The following RIMBP2 variants were observed in gnomAD, a reference collection of about 807,000 sequenced individuals.
RIMBP2 encodes RIMS-binding protein 2.
In RIMBP2, 48 loss-of-function variants were observed where a neutral mutation model predicts 118.6. The ratio of observed to expected loss-of-function variants is 0.40; its 90% confidence interval spans 0.32 to 0.51. The LOEUF is 0.51. Ranked by LOEUF, RIMBP2 falls within the 20% of genes least tolerant of loss-of-function variation. The probability of loss-of-function intolerance (pLI) is 0.41; values close to 1 mark genes in which losing one functional copy is unlikely to be tolerated. For missense variants in RIMBP2, 1,551 were observed against 1,768.3 expected (o/e 0.88, Z 2.20); for synonymous variants, 762 against 742.9 (o/e 1.03, Z -0.42).
At chr12:130,416,964 TA>T (rs145313159) in intron 17 of RIMBP2, among the ~76,000 whole-genome samples, 3,617 of 151,816 alleles carry the variant, frequency 0.024, 140 homozygotes, top group African/African-American at 0.082. Flanking sequence ...AAAATATATT[TA>T]AAAAATGTAT....
chr12:130,422,434 C>A lies in RIMBP2; in HGVS notation c.3238+19G>T, dbSNP rs577868602. ...GCTCCGCGGCTGAAAGACACAACAG[C>A]GATGATGGGGCCACTAACCGATGGA... is the stretch of plus-strand genomic sequence containing the variant. On this transcript the variant is annotated intron_variant, in intron 17 of 22. Coordinates refer to ENST00000690449, the MANE Select transcript of RIMBP2 (RefSeq NM_001393629.1). The surrounding 1 kb of genome is among the most constrained non-coding windows in gnomAD (Gnocchi z 5.2). 3 of 1,553,958 alleles carry A rather than the reference C, an allele frequency of 1.9e-6. No individual in the cohort carries two copies. The highest frequency in any genetic ancestry group is 1.7e-5 in the Admixed American group (1 of 59,064).
intron 13 of RIMBP2, 89 bp downstream of exon 13, chr12:130,436,753 T>G: frequency 9.1e-7 from 1 of 1,096,296 alleles, no homozygotes; most frequent in Non-Finnish European, 1.2e-6. Context: ...GGGATGCGGG[T>G]CCCCCTCCAT....
In RIMBP2 at chr12:130,424,506, T is replaced by G; in HGVS notation, c.2765A>C (p.Asp922Ala). ...SATRSPDSGL[D>A]CGSEEDESRF... ...CGACTCGTCCTCTTCACTCCCACAGTCCAGGCCGCTGTCCGGGCTCCGGGT... is the reference window on the plus strand; with the variant it reads ...CGACTCGTCCTCTTCACTCCCACAGGCCAGGCCGCTGTCCGGGCTCCGGGT... Residue 922 changes from aspartate (D) to alanine (A), a missense_variant, in exon 16 of 23, where the codon GAC becomes GCC. By Grantham distance (126) the Asp-to-Ala change is moderately radical (BLOSUM62 -2). Around this residue, in one of 5 missense-constraint regions of RIMBP2, gnomAD observed 1,038 missense variants for 1,125.1 expected, o/e 0.92. Coordinates refer to ENST00000690449, the MANE Select transcript of RIMBP2 (RefSeq NM_001393629.1). This position sits in a 1 kb window ranked among gnomAD's most constrained non-coding sequence, Gnocchi z 9.8. 7 of 1,231,972 alleles carry G rather than the reference T, an allele frequency of 5.7e-6. No individual in the cohort carries two copies. Among genetic ancestry groups the G allele is most frequent in the South Asian group, 4.1e-5 (1 of 24,316 alleles). The allele number at this position is 1,231,972 out of a possible 1,614,324, so 76.3% of individuals were successfully genotyped here.
chr12:130,679,912 C>T (rs1423622437), intron 1 of RIMBP2, among the ~76,000 whole-genome samples: 3 of 151,306 alleles, frequency 2.0e-5, no homozygotes, highest in African/African-American at 7.4e-5. Context: ...ATCATGCAGG[C>T]AGTGTGTTCA....
chr12:130,595,324 C>T (rs929651832), intron 2 of RIMBP2, among the ~76,000 whole-genome samples: 5 of 151,874 alleles, frequency 3.3e-5, no homozygotes, highest in South Asian at 2.1e-4. Flanking sequence ...TTTGGGAGGC[C>T]GAGATGGGCG....
chr12:130,547,819 C>T (rs981324222), intron 2 of RIMBP2, among the ~76,000 whole-genome samples: 1 of 152,206 alleles, frequency 6.6e-6, no homozygotes, highest in African/African-American at 2.4e-5. Flanking sequence ...TGTTTTTCAT[C>T]TCAGTGAAGA....
rs2078219269 is a variant in RIMBP2, at chr12:130,442,572, C to A, written c.780G>T (p.Leu260=). The change falls in exon 11 of 23, where the codon CTG becomes CTT. Residue 260 remains leucine (L), a synonymous_variant. Coordinates refer to ENST00000690449, the MANE Select transcript of RIMBP2 (RefSeq NM_001393629.1). The surrounding 1 kb of genome is among the most constrained non-coding windows in gnomAD (Gnocchi z 6.9). ...QDNESRLAST[L]GNEQDQNFIN... ...TGAAGTTCTGATCCTGCTCGTTCCC[C>A]AGCGTGCTTGCCAACCGCGACTCGT... 6.2e-7 allele frequency: 1 copy of A among 1,614,112 alleles called. No homozygotes were observed. The highest frequency in any genetic ancestry group is 1.3e-5 in the African/African-American group (1 of 74,936).
chr12:130,447,607 C>T lies in RIMBP2; in HGVS notation c.582-2338G>A, dbSNP rs1468057592. ...GCGATGGGAGACCCCCACATGTGGC[C>T]GTGGCATCTGTGAGCACAGCAGTGG... On this transcript the variant is annotated intron_variant, in intron 9 of 22. Transcript: ENST00000690449. The surrounding 1 kb of genome is among the most constrained non-coding windows in gnomAD (Gnocchi z 4.4). Among the ~76,000 whole-genome samples, 1 of 152,176 alleles carries T rather than the reference C, an allele frequency of 6.6e-6. No homozygotes were observed. The highest frequency in any genetic ancestry group is 1.5e-5 in the Non-Finnish European group (1 of 68,020).
chr12:130,453,746 T>G (rs2079191214), intron 7 of RIMBP2, among the ~76,000 whole-genome samples: 1 of 152,092 alleles, frequency 6.6e-6, no homozygotes, highest in Non-Finnish European at 1.5e-5. Context: ...CACATAAACG[T>G]GAATGCAGCT....
At chr12:130,448,812 C>G (rs61578819) in intron 9 of RIMBP2, among the ~76,000 whole-genome samples, 27,172 of 152,304 alleles carry the variant, frequency 0.18, 2,653 homozygotes, top group Admixed American at 0.28. Context: ...GGGCATCTAC[C>G]CCAGTGCTTC....
chr12:130,665,938 A>G (rs1419766856), intron 1 of RIMBP2, among the ~76,000 whole-genome samples: 1 of 152,112 alleles, frequency 6.6e-6, no homozygotes, highest in Non-Finnish European at 1.5e-5. Flanking sequence ...GGAGTATCAC[A>G]TCTGGAACTC....
Position 130,428,308 on chromosome 12 carries a change from G to T in RIMBP2, c.2283C>A (p.His761Gln). 6.2e-7 allele frequency: 1 copy of T among 1,612,572 alleles called. No homozygotes were observed. Among genetic ancestry groups the T allele is most frequent in the South Asian group, 1.1e-5 (1 of 90,704 alleles). Residue 761 changes from histidine (H) to glutamine (Q), a missense_variant, in exon 15 of 23, where the codon CAC becomes CAA. Physicochemically the swap from His to Gln is conservative, Grantham distance 24. Transcript: ENST00000690449. ...GGTCAGACCCCCGGCTGCTCTCTGT[G>T]TGGTACTCGTCTCCATGGCAACAGT... ...QPHCCHGDEY[H>Q]TESSRGSDLS...
At chr12:130,600,326 A>G (rs1209744662) in intron 2 of RIMBP2, among the ~76,000 whole-genome samples, 1 of 152,170 alleles carries the variant, frequency 6.6e-6, no homozygotes, top group Non-Finnish European at 1.5e-5. Context: ...GACGTCTCCG[A>G]CCAGAAACAT....
intron 2 of RIMBP2, among the ~76,000 whole-genome samples, chr12:130,597,244 A>T (rs1462802010): frequency 3.9e-5 from 6 of 152,140 alleles, no homozygotes; most frequent in Admixed American, 6.5e-5. Context: ...TTTTATTTTT[A>T]TTTATTTATT....
chr12:130,409,725 G>A (rs1461035809), intron 19 of RIMBP2, among the ~76,000 whole-genome samples: 1 of 152,138 alleles, frequency 6.6e-6, no homozygotes, highest in Non-Finnish European at 1.5e-5. Flanking sequence ...TATTAGCAGT[G>A]GCTCTGTTCC....
At chr12:130,458,630 G>A (rs537813102) in intron 6 of RIMBP2, among the ~76,000 whole-genome samples, 7 of 152,330 alleles carry the variant, frequency 4.6e-5, no homozygotes, top group Non-Finnish European at 7.3e-5. Flanking sequence ...GGGCACTCGC[G>A]GAGCCTTCCC....
At chr12:130,548,164 C>T (rs536171580) in intron 2 of RIMBP2, among the ~76,000 whole-genome samples, 12 of 152,118 alleles carry the variant, frequency 7.9e-5, no homozygotes, top group Admixed American at 7.2e-4. Flanking sequence ...AAGAAGCCCA[C>T]GGCTTGTTCC....
At chr12:130,554,182 A>G (rs1323676152) in intron 2 of RIMBP2, among the ~76,000 whole-genome samples, 3 of 152,322 alleles carry the variant, frequency 2.0e-5, no homozygotes, top group South Asian at 4.1e-4. Flanking sequence ...CCCGACTTCA[A>G]TTTCCTGTCC....
chr12:130,461,207 T>C (rs1050786108), intron 6 of RIMBP2, among the ~76,000 whole-genome samples: 3 of 152,114 alleles, frequency 2.0e-5, no homozygotes, highest in African/African-American at 7.2e-5. Context: ...CCAGGGGTTG[T>C]AGGGACGCTG....
Sources: allele counts gnomAD v4.1 joint callset (sites outside exome capture counted in the v4.1 genomes callset), GRCh38; gene constraint gnomAD v4.1.1; regional missense constraint gnomAD v4.1.1; non-coding constraint Gnocchi (gnomAD v3.1); transcripts MANE v1.5; gene names NCBI Gene and HGNC (gene_info 2026-07-23, HGNC 2026-07-21).